The following PORCN variants were observed in gnomAD, a reference collection of about 807,000 sequenced individuals.
PORCN encodes the protein protein-serine O-palmitoleoyltransferase porcupine.
A neutral mutation model predicts 43.0 loss-of-function variants in PORCN; 1 was observed. That is an observed-to-expected ratio of 0.02 (90% CI 0.01 to 0.11). The LOEUF is 0.11. PORCN is among the 10% of genes least tolerant of loss of function. The pLI, the probability that PORCN is intolerant of heterozygous loss-of-function variation, is 1.00. For missense variants in PORCN, 240 were observed against 392.1 expected, an observed-to-expected ratio of 0.61 and a Z score of 3.28; for synonymous variants, 148 against 166.4, an observed-to-expected ratio of 0.89 and a Z score of 0.85.
chrX:48,511,774 C>G (rs1602070944), intron 3 of PORCN, 118 bp from the exon 4 acceptor site: 6 of 696,920 alleles, frequency 8.6e-6, no homozygotes, highest in Admixed American at 2.3e-5. Flanking sequence ...CACCATGAGA[C>G]TGTTGTAGGA....
intron 14 of PORCN, among the ~76,000 whole-genome samples, chrX:48,518,358 T>C (rs1474336272): frequency 4.5e-5 from 5 of 110,232 alleles, no homozygotes; most frequent in Non-Finnish European, 7.6e-5. Flanking sequence ...GTAGCTGGGA[T>C]TACAGGCACG....
chrX:48,512,666 C>A lies in PORCN; in HGVS notation c.633C>A (p.Gly211=), dbSNP rs35018140. The A allele has an allele frequency of 6.6e-6, 8 of 1,211,063 alleles. No homozygotes were observed. In the South Asian group the frequency reaches 1.4e-4, roughly 21 times the overall value. The change falls in exon 6 of 15, where the codon GGC becomes GGA. Residue 211 remains glycine (G), a synonymous_variant. Transcript: ENST00000326194. ...LLCLVLSTCV[G]PYLFPYFIPL... ...GCCTTGTGCTGTCCACTTGCGTGGG[C>A]CCCTACCTCTTCCCGTACTTCATCC...
At position 48,514,505 on chromosome X, in the gene PORCN, C is replaced by T. The variant is rs1378837473; in HGVS notation, c.846-20C>T. ...TGAGTTGAGATCCCAAATGGATTTG[C>T]ATATCTCTTCTGCCCCCAGGGACCT... On this transcript the variant is annotated intron_variant, in intron 9 of 14. Transcript: ENST00000326194. 1 of 1,196,533 alleles carries T rather than the reference C, an allele frequency of 8.4e-7. No homozygotes were observed. The highest frequency in any genetic ancestry group is 1.1e-6 in the Non-Finnish European group (1 of 882,905).
intron 14 of PORCN, 39 bp from the exon 15 acceptor site, chrX:48,520,336 C>A: frequency 9.3e-7 from 1 of 1,078,278 alleles, no homozygotes; most frequent in Non-Finnish European, 1.3e-6. Context: ...ACTTCTTTGT[C>A]CTTGCTAAGT....
At chrX:48,509,600 C>G (rs782235423) in intron 1 of PORCN, 184 bp from the exon 2 acceptor site, 116 of 1,127,443 alleles carry the variant, frequency 1.0e-4, no homozygotes, top group Middle Eastern at 2.4e-4. Context: ...GCCGAACACC[C>G]ACATGCACAC....
At chrX:48,511,580 G>A (rs781959857) in intron 3 of PORCN, 93 bp downstream of exon 3, 5 of 812,844 alleles carry the variant, frequency 6.2e-6, no homozygotes, top group Non-Finnish European at 9.4e-6. Context: ...CAGGGAGGGT[G>A]GTGAGATTCC....
At position 48,509,788 on chromosome X, in the gene PORCN, A is replaced by G. The variant is rs2061661067; in HGVS notation, c.-33A>G. 1 of 1,207,955 alleles carries G rather than the reference A, an allele frequency of 8.3e-7. No homozygotes were observed. The highest frequency in any genetic ancestry group is 1.1e-6 in the Non-Finnish European group (1 of 893,407). ...TCTGTGTCCCTGCTTTGACAGATCT[A>G]TCCATCTGGCCATCCATCCGTGGGG... On this transcript the variant is annotated 5_prime_UTR_variant, in exon 2 of 15. Transcript: ENST00000326194.
rs782389526 is a variant in PORCN, at chrX:48,514,526, G to C, written c.847G>C (p.Asp283His). The C allele has an allele frequency of 4.1e-6, 5 of 1,208,507 alleles. No homozygotes were observed. The highest frequency in any genetic ancestry group is 5.6e-6 in the Non-Finnish European group (5 of 893,555). The change falls in exon 10 of 15, where the codon GAC becomes CAC. Residue 283 changes from aspartate (D) to histidine (H), a missense_variant and splice_region_variant. Transcript: ENST00000326194. Reference sequence around the variant, plus strand: ...TTTGCATATCTCTTCTGCCCCCAGGGACCTGACGGTGTCCAAGCCACTGAA... The same window carrying C: ...TTTGCATATCTCTTCTGCCCCCAGGCACCTGACGGTGTCCAAGCCACTGAA... ...FTEEKDHLEW[D>H]LTVSKPLNVE...
intron 4 of PORCN, 69 bp from the exon 5 acceptor site, chrX:48,512,257 G>T (rs1297963727): frequency 8.8e-7 from 1 of 1,140,902 alleles, no homozygotes; most frequent in African/African-American, 1.8e-5. Flanking sequence ...CATCTCACCT[G>T]GTGCACCTCC....
chrX:48,512,702 T>C lies in PORCN; in HGVS notation c.669T>C (p.Gly223=). ...YLFPYFIPLN[G]DRLLRNKKRK... is the part of the protein sequence containing the mutation. ...TCCCGTACTTCATCCCCCTCAACGG[T>C]GACCGCCTCCTTCGCAAGTGAGCAC... The change falls in exon 6 of 15, where the codon GGT becomes GGC. Residue 223 remains glycine, a synonymous_variant. Coordinates refer to ENST00000326194, the MANE Select transcript of PORCN (RefSeq NM_203475.3). 8.3e-7 allele frequency: 1 copy of C among 1,212,019 alleles called. No homozygotes were observed. Among genetic ancestry groups the C allele is most frequent in the Non-Finnish European group, 1.1e-6 (1 of 895,459 alleles).
intron 13 of PORCN, 140 bp downstream of exon 13, chrX:48,516,286 G>T (rs782695486): frequency 1.8e-6 from 1 of 562,286 alleles, no homozygotes; most frequent in Non-Finnish European, 3.0e-6. Flanking sequence ...TCCTCTATTC[G>T]CTGGCATCCG....
Position 48,514,107 on chromosome X carries a change from C to T in PORCN, c.705-20C>T, listed in dbSNP as rs2061696440. 3 of 1,209,849 alleles carry T rather than the reference C, an allele frequency of 2.5e-6. No individual in the cohort carries two copies. Among genetic ancestry groups the T allele is most frequent in the Non-Finnish European group, 3.4e-6 (3 of 894,892 alleles). ...CTTTTCTTTCTTCTCTGCTGCCTTC[C>T]TGACCCCTGGGGGCCCTAGGGGCAC... On this transcript the variant is annotated intron_variant, in intron 7 of 14. Coordinates refer to ENST00000326194, the MANE Select transcript of PORCN (RefSeq NM_203475.3).
chrX:48,514,373 G>A lies in PORCN; in HGVS notation c.845+8G>A. 8.3e-7 allele frequency: 1 copy of A among 1,207,540 alleles called. No homozygotes were observed. Reference sequence around the variant, plus strand: ...GAAGGATCACCTGGAATGGTGGGGGGGCTTGGGGACCCCCTCTCCCACAGG... The same window carrying A: ...GAAGGATCACCTGGAATGGTGGGGGAGCTTGGGGACCCCCTCTCCCACAGG... On this transcript the variant is annotated splice_region_variant and intron_variant, in intron 9 of 14. Coordinates refer to ENST00000326194, the MANE Select transcript of PORCN (RefSeq NM_203475.3).
At chrX:48,511,240 C>T (rs2061673193) in intron 2 of PORCN, 55 bp from the exon 3 acceptor site, 1 of 622,098 alleles carries the variant, frequency 1.6e-6, no homozygotes, top group Non-Finnish European at 2.5e-6. Flanking sequence ...CACTCCCTCT[C>T]TTTCTCTCTC....
At chrX:48,509,217 T>C (rs922566361) in intron 1 of PORCN, 114 bp downstream of exon 1, 2 of 193,811 alleles carry the variant, frequency 1.0e-5, no homozygotes, top group Non-Finnish European at 2.0e-5. Context: ...TTTCCGACTC[T>C]CCCTCAGGCT....
At chrX:48,509,612 G>A in intron 1 of PORCN, 172 bp from the exon 2 acceptor site, 1 of 1,136,089 alleles carries the variant, frequency 8.8e-7, no homozygotes, top group Non-Finnish European at 1.2e-6. Context: ...CATGCACACA[G>A]TTGGTGGCTC....
At chrX:48,512,253 A>G in intron 4 of PORCN, 73 bp from the exon 5 acceptor site, 3 of 1,125,760 alleles carry the variant, frequency 2.7e-6, no homozygotes, top group Non-Finnish European at 3.6e-6. Context: ...ACCACATCTC[A>G]CCTGGTGCAC....
At chrX:48,517,392 C>T in intron 14 of PORCN, 99 bp downstream of exon 14, 1 of 597,992 alleles carries the variant, frequency 1.7e-6, no homozygotes, top group Non-Finnish European at 2.8e-6. Flanking sequence ...GCCTGAGCTC[C>T]TCAGACTGTG....
At chrX:48,514,776 T>A in intron 10 of PORCN, 151 bp downstream of exon 10, 5 of 511,153 alleles carry the variant, frequency 9.8e-6, no homozygotes, top group Admixed American at 8.6e-5. Flanking sequence ...AGATGATAAA[T>A]ACGAGAAAAA....
Sources: gnomAD v4.1 joint callset for allele counts (sites outside exome capture counted in the v4.1 genomes callset) on GRCh38, gnomAD v4.1.1 for gene constraint, MANE v1.5 for transcripts, NCBI Gene and HGNC (gene_info 2026-07-23, HGNC 2026-07-21) for gene names.